The following RAB27B variants were observed in gnomAD, a reference collection of about 807,000 sequenced individuals.
The protein encoded by RAB27B is RAB27B, member RAS oncogene family.
RAB27B carries 15 observed loss-of-function variants against 24.6 expected under a neutral mutation model. The observed-to-expected ratio is 0.61, with a 90% CI of 0.41 to 0.94. RAB27B has a LOEUF of 0.94. RAB27B is among the 40% of genes least tolerant of loss of function. The probability of loss-of-function intolerance (pLI) is 0.00; values close to 1 mark genes in which losing one functional copy is unlikely to be tolerated. For missense variants in RAB27B, 261 were observed against 266.8 expected (o/e 0.98, Z 0.15); for synonymous variants, 105 against 92.5 (o/e 1.14, Z -0.78).
intron 2 of RAB27B, among the ~76,000 whole-genome samples, chr18:54,807,794 G>T (rs1406423578): frequency 6.6e-6 from 1 of 152,138 alleles, no homozygotes; most frequent in East Asian, 1.9e-4. Flanking sequence ...TTCTGTGCTG[G>T]CAGGGGACAA....
In RAB27B at chr18:54,775,415, A is replaced by T. The variant is rs141865987; in HGVS notation, c.-20+57274A>T. 1.2e-4 allele frequency among the ~76,000 whole-genome samples: 18 copies of T among 152,342 alleles called. No individual in the cohort carries two copies. The East Asian group carries it at 2.9e-3, about 24-fold the overall frequency. On this transcript the variant is annotated intron_variant, in intron 2 of 4. Transcript: ENST00000586570. ...TTGTCCTCTTGGCATCATATTGCCA[A>T]GGAAAATGTGTCCAGAGATTTGTCT...
intron 2 of RAB27B, among the ~76,000 whole-genome samples, chr18:54,784,904 C>A (rs1262444664): frequency 1.3e-5 from 2 of 152,164 alleles, no homozygotes; most frequent in African/African-American, 4.8e-5. Context: ...CATGTCATTC[C>A]TCAGATAGAA....
At chr18:54,870,471 A>C (rs1317263151) in intron 1 of RAB27B, among the ~76,000 whole-genome samples, 2 of 152,174 alleles carry the variant, frequency 1.3e-5, no homozygotes, top group African/African-American at 2.4e-5. Context: ...TCTAATCCTC[A>C]CTGCTACTCT....
At chr18:54,723,823 GT>G (rs1909439111) in intron 2 of RAB27B, among the ~76,000 whole-genome samples, 2 of 152,240 alleles carry the variant, frequency 1.3e-5, no homozygotes, top group South Asian at 4.1e-4. Context: ...TTACAACTTT[GT>G]TTTAATTATG....
chr18:54,799,988 A>C (rs759271191), intron 2 of RAB27B, among the ~76,000 whole-genome samples: 17 of 152,202 alleles, frequency 1.1e-4, no homozygotes, highest in Non-Finnish European at 2.5e-4. Context: ...ATCCCACCAC[A>C]CAGAAACAAT....
At chr18:54,815,268 T>G (rs1910086849) in intron 2 of RAB27B, among the ~76,000 whole-genome samples, 1 of 152,180 alleles carries the variant, frequency 6.6e-6, no homozygotes, top group Non-Finnish European at 1.5e-5. Context: ...ATGGTAACTA[T>G]GTACTAGAGA....
chr18:54,860,124 C>G (rs1416748572), intron 1 of RAB27B, among the ~76,000 whole-genome samples: 1 of 152,072 alleles, frequency 6.6e-6, no homozygotes, highest in African/African-American at 2.4e-5. Flanking sequence ...TTTGGCATAT[C>G]AAGAGTAGAG....
intron 2 of RAB27B, among the ~76,000 whole-genome samples, chr18:54,800,800 T>A (rs1270178751): frequency 6.6e-6 from 1 of 152,192 alleles, no homozygotes; most frequent in Non-Finnish European, 1.5e-5. Context: ...TGGTTATTAC[T>A]GTTATTATAA....
upstream of RAB27B, among the ~76,000 whole-genome samples, chr18:54,824,754 C>T (rs372828502): frequency 2.0e-5 from 3 of 152,134 alleles, no homozygotes; most frequent in Non-Finnish European, 4.4e-5. Context: ...TGGAATCTGG[C>T]GGGCACTTCC....
chr18:54,766,180 A>G (rs968615768), intron 2 of RAB27B, among the ~76,000 whole-genome samples: 4 of 152,202 alleles, frequency 2.6e-5, no homozygotes, highest in African/African-American at 4.8e-5. Flanking sequence ...CCACTTCATC[A>G]TCTTCATGGT....
At chr18:54,817,847 C>T (rs1016778541) in intron 2 of RAB27B, among the ~76,000 whole-genome samples, 2 of 151,836 alleles carry the variant, frequency 1.3e-5, no homozygotes, top group African/African-American at 4.8e-5. Context: ...CAGAAAATGA[C>T]TGTCCTATTG....
intron 1 of RAB27B, among the ~76,000 whole-genome samples, chr18:54,850,357 T>TATATATATATATATATAC (rs1264669719): frequency 8.4e-5 from 11 of 130,570 alleles, no homozygotes; most frequent in South Asian, 2.4e-4. Context: ...TATATATATA[T>TATATATATATATATATAC]ATACATACAT....
chr18:54,818,277 G>A (rs1910183006), intron 2 of RAB27B, among the ~76,000 whole-genome samples: 1 of 152,130 alleles, frequency 6.6e-6, no homozygotes, highest in Non-Finnish European at 1.5e-5. Context: ...CTGGGTTTGA[G>A]TTTCATCAAA....
chr18:54,817,603 A>G (rs1910160966), intron 2 of RAB27B, among the ~76,000 whole-genome samples: 1 of 152,172 alleles, frequency 6.6e-6, no homozygotes, highest in Non-Finnish European at 1.5e-5. Context: ...CATCTATCCA[A>G]GTATACCAAG....
chr18:54,830,279 T>C (rs1910623875), intron 1 of RAB27B, among the ~76,000 whole-genome samples: 1 of 152,238 alleles, frequency 6.6e-6, no homozygotes, highest in Admixed American at 6.5e-5. Context: ...ACTGTTTTTC[T>C]GGAAAAATGG....
intron 2 of RAB27B, among the ~76,000 whole-genome samples, chr18:54,805,676 G>T (rs1909769317): frequency 6.6e-6 from 1 of 152,132 alleles, no homozygotes; most frequent in Non-Finnish European, 1.5e-5. Flanking sequence ...TTTATGTCTT[G>T]AAAGTACAGT....
intron 2 of RAB27B, among the ~76,000 whole-genome samples, chr18:54,735,923 G>A (rs1392426479): frequency 1.3e-5 from 2 of 152,120 alleles, no homozygotes; most frequent in African/African-American, 4.8e-5. Flanking sequence ...ATGCCAAACT[G>A]GATAATTTTA....
At chr18:54,818,350 A>G (rs1034132439) in intron 2 of RAB27B, among the ~76,000 whole-genome samples, 1 of 152,172 alleles carries the variant, frequency 6.6e-6, no homozygotes, top group Non-Finnish European at 1.5e-5. Flanking sequence ...CTGTGCATCT[A>G]TATTAATCAA....
chr18:54,720,814 T>C lies in RAB27B; in HGVS notation c.-20+2673T>C, dbSNP rs866391713. ...ATAACAAACGGTCCTTTTTTATTTGTCATGAAAGATAATTCCAATTCTAAT... is the reference window on the plus strand; with the variant it reads ...ATAACAAACGGTCCTTTTTTATTTGCCATGAAAGATAATTCCAATTCTAAT... On this transcript the variant is annotated intron_variant, in intron 2 of 4. Coordinates refer to the RAB27B transcript ENST00000586570. Among the ~76,000 whole-genome samples the C allele has an allele frequency of 4.6e-5, 7 of 152,270 alleles. No homozygotes were observed. The Middle Eastern group carries it at 0.017, about 370-fold the overall frequency.
Sources: allele counts gnomAD v4.1 joint callset (sites outside exome capture counted in the v4.1 genomes callset), GRCh38; gene constraint gnomAD v4.1.1; transcripts MANE v1.5; gene names NCBI Gene and HGNC (gene_info 2026-07-23, HGNC 2026-07-21).